The following OR5B2 variants were observed in gnomAD, a reference collection of about 807,000 sequenced individuals.
The protein encoded by OR5B2 is olfactory receptor family 5 subfamily B member 2, also known as olfactory receptor 5B2.
For synonymous variants in OR5B2, 163 were observed against 140.8 expected, an observed-to-expected ratio of 1.16 and a Z score of -1.11; for missense variants, 411 against 367.0, an observed-to-expected ratio of 1.12 and a Z score of -0.98.
intron 2 of OR5B2, 64 bp downstream of exon 2, chr11:58,426,558 T>C (rs1461974997): frequency 6.6e-6 from 1 of 152,114 alleles, no homozygotes; most frequent in African/African-American, 2.4e-5. Flanking sequence ...CCCTTGAACT[T>C]TTATATAACA....
intron 2 of OR5B2, among the ~76,000 whole-genome samples, chr11:58,425,629 A>C (rs1340193139): frequency 6.6e-6 from 1 of 152,126 alleles, no homozygotes; most frequent in Admixed American, 6.6e-5. Flanking sequence ...CTCTATGGCA[A>C]GGAAAGACAG....
At chr11:58,426,148 TG>T (rs1565157794) in intron 2 of OR5B2, among the ~76,000 whole-genome samples, 2,263 of 150,812 alleles carry the variant, frequency 0.015, 108 homozygotes, top group African/African-American at 0.053. Flanking sequence ...ATGGATTTTT[TG>T]TGTGTATAAG....
chr11:58,425,059 A>G (rs1354160760), intron 2 of OR5B2, among the ~76,000 whole-genome samples: 3 of 152,252 alleles, frequency 2.0e-5, no homozygotes, highest in Admixed American at 2.0e-4. Context: ...CACAATGAGC[A>G]TTAGATTGCT....
chr11:58,423,414 G>T, intron 2 of OR5B2, 125 bp from the exon 3 acceptor site: 2 of 510,706 alleles, frequency 3.9e-6, no homozygotes, highest in South Asian at 4.0e-5. Context: ...TAGATCTAAA[G>T]CATAGGCTTG....
At position 58,423,127 on chromosome 11, in the gene OR5B2, C is replaced by T. The variant is rs865993031; in HGVS notation, c.135G>A (p.Leu45=). ...LTLCGNLGMM[L]LILMDSCLHT... Reference sequence around the variant, plus strand: ...GGAGACAAGAGTCCATCAGGATCAGCAACATCATCCCCAGGTTCCCACACA... The same window carrying T: ...GGAGACAAGAGTCCATCAGGATCAGTAACATCATCCCCAGGTTCCCACACA... The change falls in exon 3 of 3, where the codon TTG becomes TTA. Residue 45 remains leucine (L), a synonymous_variant. Coordinates refer to ENST00000641342, the MANE Select transcript of OR5B2 (RefSeq NM_001005566.3). 6.2e-7 allele frequency: 1 copy of T among 1,613,696 alleles called. No individual in the cohort carries two copies. Among genetic ancestry groups the T allele is most frequent in the Non-Finnish European group, 8.5e-7 (1 of 1,179,788 alleles).
At position 58,423,036 on chromosome 11, in the gene OR5B2, T is replaced by C; in HGVS notation, c.226A>G (p.Thr76Ala). 8 of 1,613,346 alleles carry C rather than the reference T, an allele frequency of 5.0e-6. No homozygotes were observed. Among genetic ancestry groups the C allele is most frequent in the Non-Finnish European group, 6.8e-6 (8 of 1,179,564 alleles). ...AGGAACCCAGCCATGACCTTGGGAG[T>C]GACAGCTGAGGAGTATCCAAAGTCC... ...LVDFGYSSAVTPKVMAGFLRG... is the reference protein window; with the variant it reads ...LVDFGYSSAVAPKVMAGFLRG... The change falls in exon 3 of 3, where the codon ACT (threonine) becomes GCT (alanine). Residue 76 changes from threonine (T) to alanine (A), a missense_variant. By Grantham distance (58) the Thr-to-Ala change is moderately conservative. Coordinates refer to ENST00000641342, the MANE Select transcript of OR5B2 (RefSeq NM_001005566.3).
intron 1 of OR5B2, among the ~76,000 whole-genome samples, chr11:58,427,074 T>C (rs1855346658): frequency 6.6e-6 from 1 of 152,088 alleles, no homozygotes; most frequent in Admixed American, 6.6e-5. Context: ...ACCTCTAACA[T>C]GATGTTAAAT....
At position 58,423,212 on chromosome 11, in the gene OR5B2, C is replaced by T. The variant is rs2119937786; in HGVS notation, c.50G>A (p.Ser17Asn). ...GAGGGGGATCTGTAGTTCTGGGACA[C>T]TGGTTAGTCCTAGAAGAATGAACTT... ...VTKFILLGLT[S>N]VPELQIPLFI... The change falls in exon 3 of 3, where the codon AGT becomes AAT. Residue 17 changes from serine (S) to asparagine (N), a missense_variant. Physicochemically the swap from Ser to Asn is conservative, Grantham distance 46 (BLOSUM62 1). Transcript: ENST00000641342. The T allele has an allele frequency of 1.9e-6, 3 of 1,612,762 alleles. No individual in the cohort carries two copies. Among genetic ancestry groups the T allele is most frequent in the South Asian group, 1.1e-5 (1 of 90,932 alleles).
Position 58,423,031 on chromosome 11 carries a change from G to C in OR5B2, c.231C>G (p.Pro77=), listed in dbSNP as rs147084537. Residue 77 remains proline (P), a synonymous_variant, in exon 3 of 3, where the codon CCC becomes CCG. Coordinates refer to ENST00000641342, the MANE Select transcript of OR5B2 (RefSeq NM_001005566.3). ...CTCTAAGGAACCCAGCCATGACCTTGGGAGTGACAGCTGAGGAGTATCCAA... is the reference window on the plus strand; with the variant it reads ...CTCTAAGGAACCCAGCCATGACCTTCGGAGTGACAGCTGAGGAGTATCCAA... ...VDFGYSSAVT[P]KVMAGFLRGD... 1 of 1,613,790 alleles carries C rather than the reference G, an allele frequency of 6.2e-7. No homozygotes were observed. Among genetic ancestry groups the C allele is most frequent in the Non-Finnish European group, 8.5e-7 (1 of 1,179,808 alleles).
Position 58,422,819 on chromosome 11 carries a change from A to G in OR5B2, c.443T>C (p.Val148Ala). 1 of 1,613,802 alleles carries G rather than the reference A, an allele frequency of 6.2e-7. No homozygotes were observed. Among genetic ancestry groups the G allele is most frequent in the South Asian group, 1.1e-5 (1 of 91,062 alleles). Residue 148 changes from valine (V) to alanine (A), a missense_variant, in exon 3 of 3, where the codon GTC (valine) becomes GCC (alanine). Val to Ala is a moderately conservative substitution (Grantham distance 64). Transcript: ENST00000641342. ...VGACLALGSY[V>A]CGFLNASFHI... ...GAATGAGGCATTTAGGAAGCCACAGACATATGAGCCTAGGGCCAGACAGGC... is the reference window on the plus strand; with the variant it reads ...GAATGAGGCATTTAGGAAGCCACAGGCATATGAGCCTAGGGCCAGACAGGC...
At chr11:58,423,326 CA>C (rs1565157261) in intron 2 of OR5B2, 37 bp from the exon 3 acceptor site, 9 of 972,302 alleles carry the variant, frequency 9.3e-6, no homozygotes, top group African/African-American at 1.6e-5. Flanking sequence ...GAGTGATAAA[CA>C]AAAAAAGAGA....
rs12295551 is a variant in OR5B2 at position 58,421,510 on chromosome 11, T to C, written c.*822A>G. On this transcript the variant is annotated 3_prime_UTR_variant, in exon 3 of 3. Transcript: ENST00000641342. ...TGTGGAGACAGAAAAAGATCAGTAG[T>C]TGTCAGGGGTTAGGGAAGAAGGAAG... 0.22 allele frequency: 32,930 copies of C among 151,962 alleles called. 3,552 individuals are homozygous for C. Among genetic ancestry groups the C allele is most frequent in the Middle Eastern group, 0.31 (90 of 294 alleles). The allele number at this position is 151,962 out of a possible 1,614,324, so 9.4% of individuals were successfully genotyped here. A position where few individuals can be genotyped will look rare whatever the true frequency, so the allele number is the denominator to read the frequency against.
intron 2 of OR5B2, 43 bp downstream of exon 2, chr11:58,426,579 T>A (rs1162223785): frequency 1.3e-5 from 2 of 152,160 alleles, no homozygotes; most frequent in Non-Finnish European, 2.9e-5. Flanking sequence ...CATATTCTAT[T>A]ACTACAACCT....
Position 58,422,588 on chromosome 11 carries a change from T to G in OR5B2, c.674A>C (p.Lys225Thr), listed in dbSNP as rs1422126866. ...TTGGTGTCCCTTAGCTGAATGCATC[T>G]TCAAGATGGTGATGAATATGAACAA... ...SYLFIFITIL[K>T]MHSAKGHQKA... is the part of the protein sequence containing the mutation. Residue 225 changes from lysine to threonine, a missense_variant, in exon 3 of 3, where the codon AAG (lysine) becomes ACG (threonine). By Grantham distance (78) the Lys-to-Thr change is moderately conservative (BLOSUM62 -1). Transcript: ENST00000641342. The G allele has an allele frequency of 3.1e-6, 5 of 1,613,698 alleles. No homozygotes were observed. The highest frequency in any genetic ancestry group is 4.2e-6 in the Non-Finnish European group (5 of 1,179,828).
At chr11:58,427,093 G>A (rs920986494) in intron 1 of OR5B2, among the ~76,000 whole-genome samples, 2 of 152,154 alleles carry the variant, frequency 1.3e-5, no homozygotes, top group African/African-American at 4.8e-5. Flanking sequence ...ATAGAGTCAT[G>A]TTGGGATGTT....
At chr11:58,423,930 A>T (rs1231463964) in intron 2 of OR5B2, among the ~76,000 whole-genome samples, 3 of 152,152 alleles carry the variant, frequency 2.0e-5, no homozygotes, top group East Asian at 3.9e-4. Flanking sequence ...CTGAGAGGAA[A>T]ATGCACATTA....
intron 1 of OR5B2, 55 bp downstream of exon 1, chr11:58,427,964 C>T (rs1398464075): frequency 6.6e-6 from 1 of 152,222 alleles, no homozygotes; most frequent in East Asian, 1.9e-4. Flanking sequence ...TGCCAGCTAG[C>T]ATTGGTGTCA....
At position 58,422,800 on chromosome 11, in the gene OR5B2, G is replaced by A. The variant is rs1171093390; in HGVS notation, c.462C>T (p.Ala154=). Residue 154 remains alanine (A), a synonymous_variant, in exon 3 of 3, where the codon GCC becomes GCT. Transcript: ENST00000641342. ...TGAATATGCCCCCAATGTGGAATGA[G>A]GCATTTAGGAAGCCACAGACATATG... ...LGSYVCGFLN[A]SFHIGGIFSL... is the part of the protein sequence containing the mutation. 1.9e-6 allele frequency: 3 copies of A among 1,613,786 alleles called. No homozygotes were observed. Among genetic ancestry groups the A allele is most frequent in the Non-Finnish European group, 2.5e-6 (3 of 1,179,888 alleles).
In OR5B2 at chr11:58,422,847, C is replaced by G; in HGVS notation, c.415G>C (p.Gly139Arg). ...HYTTTMTASV[G>R]ACLALGSYVC... ...TATGAGCCTAGGGCCAGACAGGCAC[C>G]TACACTGGCCGTCATGGTGGTGGTG... The change falls in exon 3 of 3, where the codon GGT (glycine) becomes CGT (arginine). Residue 139 changes from glycine (G) to arginine (R), a missense_variant. Transcript: ENST00000641342. 2 of 1,613,700 alleles carry G rather than the reference C, an allele frequency of 1.2e-6. No homozygotes were observed. Among genetic ancestry groups the G allele is most frequent in the Non-Finnish European group, 1.7e-6 (2 of 1,179,810 alleles).
Sources: gnomAD v4.1 joint callset for allele counts (sites outside exome capture counted in the v4.1 genomes callset) on GRCh38, gnomAD v4.1.1 for gene constraint, MANE v1.5 for transcripts, NCBI Gene and HGNC (gene_info 2026-07-23, HGNC 2026-07-21) for gene names.